Variants in SPATA17 observed in about 807,000 individuals in gnomAD.
SPATA17 encodes spermatogenesis-associated protein 17.
SPATA17 carries 53 observed loss-of-function variants against 62.2 expected under a neutral mutation model. The ratio of observed to expected loss-of-function variants is 0.85; its 90% CI spans 0.68 to 1.07. SPATA17 has a LOEUF of 1.07. Among genes scored for constraint, SPATA17 ranks in the 50% least tolerant of loss-of-function variants. SPATA17 has a pLI of 0.00. For missense variants in SPATA17, 466 were observed against 425.5 expected (o/e 1.10, Z -0.84); for synonymous variants, 146 against 146.8 (o/e 0.99, Z 0.04).
At chr1:217,672,703 A>AT (rs1558560323) in intron 4 of SPATA17, among the ~76,000 whole-genome samples, 2 of 152,044 alleles carry the variant, frequency 1.3e-5, no homozygotes, top group Non-Finnish European at 2.9e-5. Flanking sequence ...TGCTGCATTT[A>AT]TTTTTTAAAG....
intron 4 of SPATA17, among the ~76,000 whole-genome samples, chr1:217,675,410 A>G (rs902202975): frequency 6.6e-6 from 1 of 152,150 alleles, no homozygotes; most frequent in African/African-American, 2.4e-5. Context: ...TGCCCATTTC[A>G]TATTGTTGTC....
At chr1:217,792,849 C>G (rs1674032555) in intron 8 of SPATA17, among the ~76,000 whole-genome samples, 1 of 152,108 alleles carries the variant, frequency 6.6e-6, no homozygotes, top group African/African-American at 2.4e-5. Context: ...CAGGAACGTC[C>G]TCTCATGCCC....
chr1:217,787,687 G>A (rs552640484), intron 8 of SPATA17, among the ~76,000 whole-genome samples: 1 of 151,792 alleles, frequency 6.6e-6, no homozygotes, highest in East Asian at 1.9e-4. Flanking sequence ...ACCCTTTTTT[G>A]TGTATCTGTC....
At position 217,815,024 on chromosome 1, in the gene SPATA17, A is replaced by G. The variant is rs140395186; in HGVS notation, c.1005+13174A>G. Reference sequence around the variant, plus strand: ...TCGTAACCTTATGTTTTTAAATTTGAAGGCCTCAATTTATGTTTTTCTTGC... The same window carrying G: ...TCGTAACCTTATGTTTTTAAATTTGGAGGCCTCAATTTATGTTTTTCTTGC... On this transcript the variant is annotated intron_variant, in intron 9 of 10. Coordinates refer to ENST00000366933, the MANE Select transcript of SPATA17 (RefSeq NM_138796.4). Among the ~76,000 whole-genome samples, 190 of 152,200 alleles carry G rather than the reference A, an allele frequency of 1.2e-3. 1 individual carries two copies. Among genetic ancestry groups the G allele is most frequent in the African/African-American group, 4.4e-3 (184 of 41,526 alleles).
At chr1:217,833,189 T>G (rs575859258) in intron 9 of SPATA17, among the ~76,000 whole-genome samples, 1 of 152,228 alleles carries the variant, frequency 6.6e-6, no homozygotes, top group South Asian at 2.1e-4. Flanking sequence ...CTGCTTACCT[T>G]CAGAACTCAT....
At chr1:217,795,362 C>CTTTTT (rs71560537) in intron 8 of SPATA17, among the ~76,000 whole-genome samples, 14 of 69,550 alleles carry the variant, frequency 2.0e-4, no homozygotes, top group African/African-American at 2.8e-4. Context: ...ACAAAAGTCT[C>CTTTTT]TTTTTTTTTT....
At chr1:217,860,735 T>G (rs1675881989) in intron 9 of SPATA17, among the ~76,000 whole-genome samples, 1 of 152,134 alleles carries the variant, frequency 6.6e-6, no homozygotes, top group Non-Finnish European at 1.5e-5. Context: ...GTTTTCACAT[T>G]AAAAGTGAGT....
At chr1:217,861,387 T>TTTTA (rs1553256649) in intron 9 of SPATA17, among the ~76,000 whole-genome samples, 3 of 145,374 alleles carry the variant, frequency 2.1e-5, no homozygotes, top group Non-Finnish European at 4.5e-5. Context: ...AAATAAAATA[T>TTTTA]TATATATATA....
chr1:217,721,720 G>A (rs747699876), intron 5 of SPATA17, among the ~76,000 whole-genome samples: 10 of 152,098 alleles, frequency 6.6e-5, no homozygotes, highest in Non-Finnish European at 7.3e-5. Context: ...GATGATATGG[G>A]AGGCAAGAAA....
intron 8 of SPATA17, among the ~76,000 whole-genome samples, chr1:217,800,412 T>C (rs1427979497): frequency 1.3e-5 from 2 of 150,368 alleles, no homozygotes; most frequent in Non-Finnish European, 2.9e-5. Flanking sequence ...CAATGGCCAG[T>C]CTTTGGATTA....
At chr1:217,768,553 G>A (rs539913327) in intron 6 of SPATA17, among the ~76,000 whole-genome samples, 66 of 148,974 alleles carry the variant, frequency 4.4e-4, no homozygotes, top group Admixed American at 1.1e-3. Flanking sequence ...GTGCAATGGC[G>A]TGATCTCAGC....
At chr1:217,830,365 A>T (rs1347920048) in intron 9 of SPATA17, among the ~76,000 whole-genome samples, 1 of 152,134 alleles carries the variant, frequency 6.6e-6, no homozygotes, top group East Asian at 1.9e-4. Flanking sequence ...TTGCTTGATC[A>T]CTTCATATCA....
chr1:217,703,188 T>TTTTTTTTTTTTTTTGA (rs1671644397), intron 5 of SPATA17, among the ~76,000 whole-genome samples: 1 of 149,168 alleles, frequency 6.7e-6, no homozygotes, highest in African/African-American at 2.5e-5. Context: ...TTTTTTTTTT[T>TTTTTTTTTTTTTTTGA]GAAATGGAGT....
At chr1:217,701,176 T>C (rs1026785405) in intron 5 of SPATA17, among the ~76,000 whole-genome samples, 1 of 151,600 alleles carries the variant, frequency 6.6e-6, no homozygotes, top group African/African-American at 2.4e-5. Flanking sequence ...GGTTTCACCA[T>C]GTTGGCCAGG....
intron 5 of SPATA17, among the ~76,000 whole-genome samples, chr1:217,706,934 T>C (rs561075608): frequency 6.6e-6 from 1 of 152,064 alleles, no homozygotes; most frequent in Admixed American, 6.5e-5. Context: ...TGGCACAATC[T>C]TGGCTCACTG....
intron 3 of SPATA17, among the ~76,000 whole-genome samples, chr1:217,654,069 C>G (rs1670379392): frequency 6.6e-6 from 1 of 151,272 alleles, no homozygotes; most frequent in African/African-American, 2.4e-5. Flanking sequence ...TCTCCACCTT[C>G]TTTCTCCCTT....
intron 9 of SPATA17, among the ~76,000 whole-genome samples, chr1:217,817,476 G>A (rs1674748274): frequency 6.6e-6 from 1 of 151,920 alleles, no homozygotes; most frequent in Non-Finnish European, 1.5e-5. Context: ...AGTTTCCTGA[G>A]GCCTCCCCAG....
At chr1:217,760,272 G>A (rs922066317) in intron 6 of SPATA17, among the ~76,000 whole-genome samples, 11 of 151,976 alleles carry the variant, frequency 7.2e-5, no homozygotes, top group African/African-American at 1.2e-4. Flanking sequence ...AATTTTCTGG[G>A]CCTTCTACTA....
At chr1:217,660,750 A>C (rs1011023550) in intron 3 of SPATA17, among the ~76,000 whole-genome samples, 3 of 152,234 alleles carry the variant, frequency 2.0e-5, no homozygotes, top group Admixed American at 2.0e-4. Flanking sequence ...GGACATAGCT[A>C]CAGGGAACCT....
Sources: allele counts gnomAD v4.1 joint callset (sites outside exome capture counted in the v4.1 genomes callset), GRCh38; gene constraint gnomAD v4.1.1; transcripts MANE v1.5; gene names NCBI Gene and HGNC (gene_info 2026-07-23, HGNC 2026-07-21).